The following POLR2E variants were observed in gnomAD, a reference collection of about 807,000 sequenced individuals.
POLR2E encodes RNA polymerase II, I and III subunit E, also known as DNA-directed RNA polymerases I, II, and III subunit RPABC1.
Under a neutral mutation model 29.8 loss-of-function variants are expected in POLR2E, and 35 were observed. The observed-to-expected ratio is 1.17, with a 90% CI of 0.90 to 1.55. POLR2E has a LOEUF of 1.55. Ranked by LOEUF, POLR2E falls within the 40% of genes most tolerant of loss-of-function variation. The pLI is 0.00. For synonymous variants in POLR2E, 174 were observed against 112.6 expected (o/e 1.55, Z -3.45); for missense variants, 287 against 288.6 (o/e 0.99, Z 0.04).
rs1172950058 is a variant in POLR2E at position 1,088,391 on chromosome 19, G to C, written c.*344C>G. 1.3e-5 allele frequency: 2 copies of C among 152,414 alleles called. No homozygotes were observed. The highest frequency in any genetic ancestry group is 4.8e-5 in the African/African-American group (2 of 41,460). The allele number at this position is 152,414 out of a possible 1,614,324, so 9.4% of individuals were successfully genotyped here. On this transcript the variant is annotated 3_prime_UTR_variant, in exon 8 of 8. Transcript: ENST00000615234. ...TGGAAGGCCGAGGGCCCAGGAGGAAGCAGTGGCTGGTGGGAGACCCGGACC... is the reference window on the plus strand; with the variant it reads ...TGGAAGGCCGAGGGCCCAGGAGGAACCAGTGGCTGGTGGGAGACCCGGACC...
chr19:1,090,187 G>A, intron 4 of POLR2E, 42 bp from the exon 5 acceptor site: 1 of 1,579,686 alleles, frequency 6.3e-7, no homozygotes, highest in Non-Finnish European at 8.7e-7. Flanking sequence ...AAGGGCTGGT[G>A]AGACCCCACG....
At chr19:1,089,370 G>T (rs1008682864) in intron 7 of POLR2E, 102 bp downstream of exon 7, 1 of 775,640 alleles carries the variant, frequency 1.3e-6, no homozygotes, top group Non-Finnish European at 2.2e-6. Context: ...TGCTAGGAGG[G>T]TCTTGCTGCC....
intron 1 of POLR2E, 58 bp downstream of exon 1, chr19:1,095,201 C>T: frequency 6.4e-7 from 1 of 1,558,258 alleles, no homozygotes; most frequent in Non-Finnish European, 8.8e-7. Flanking sequence ...CTCGACCCCA[C>T]CTCGGGCCCC....
In POLR2E at chr19:1,089,480, C is replaced by CGGTA. The variant is rs2043782061; in HGVS notation, c.*2_*5dup. On this transcript the variant is annotated 3_prime_UTR_variant, in exon 7 of 8. Transcript: ENST00000615234. ...TCCCTCGGCCGTCTCACCTGTCAGG[C>CGGTA]GGTAGCTACTGCACCAGCCGGTAGG... The CGGTA allele has an allele frequency of 6.2e-7, 1 of 1,611,030 alleles. No individual in the cohort carries two copies. Among genetic ancestry groups the CGGTA allele is most frequent in the South Asian group, 1.1e-5 (1 of 90,988 alleles).
At chr19:1,095,005 C>CTGT in intron 1 of POLR2E, 1 of 469,700 alleles carries the variant, frequency 2.1e-6, no homozygotes, top group Non-Finnish European at 3.7e-6. Flanking sequence ...GCCACGCGCG[C>CTGT]CGCACCAGCC....
At position 1,087,193 on chromosome 19, in the gene POLR2E, G is replaced by A. The variant is rs1223151444; in HGVS notation, c.*1542C>T. ...TTTTGTAGAGGTGGGGGGTTTCTCT[G>A]TGTTGCCCGGGCTGGTCTTTTAACT... On this transcript the variant is annotated 3_prime_UTR_variant, in exon 8 of 8. Transcript: ENST00000615234. 2 of 151,736 alleles carry A rather than the reference G, an allele frequency of 1.3e-5. No homozygotes were observed. Among genetic ancestry groups the A allele is most frequent in the Admixed American group, 6.6e-5 (1 of 15,200 alleles). 9.4% of individuals were successfully genotyped at this position (151,736 alleles called of 1,614,324 possible). A position where few individuals can be genotyped will look rare whatever the true frequency, so the allele number is the denominator to read the frequency against.
In POLR2E at chr19:1,087,338, T is replaced by C. The variant is rs1445241846; in HGVS notation, c.*1397A>G. 1 of 152,088 alleles carries C rather than the reference T, an allele frequency of 6.6e-6. No individual in the cohort carries two copies. The highest frequency in any genetic ancestry group is 2.4e-5 in the African/African-American group (1 of 41,366). 9.4% of individuals were successfully genotyped at this position (152,088 alleles called of 1,614,324 possible). ...CAGGTAATTTTTGTATTTTTTGCAG[T>C]GATGGGATTTTGCCATGTTGGTCAG... On this transcript the variant is annotated 3_prime_UTR_variant, in exon 8 of 8. Transcript: ENST00000615234.
At position 1,086,800 on chromosome 19, in the gene POLR2E, GC is replaced by G; in HGVS notation, c.*1934del. 1 of 152,150 alleles carries G rather than the reference GC, an allele frequency of 6.6e-6. No individual in the cohort carries two copies. Among genetic ancestry groups the G allele is most frequent in the Non-Finnish European group, 1.5e-5 (1 of 67,986 alleles). The allele number at this position is 152,150 out of a possible 1,614,324, so 9.4% of individuals were successfully genotyped here. A position where few individuals can be genotyped will look rare whatever the true frequency, so the allele number is the denominator to read the frequency against. On this transcript the variant is annotated 3_prime_UTR_variant, in exon 8 of 8. Transcript: ENST00000615234. ...CGCCACGGGGCCCCGCGAGGTGGGA[GC>G]CCGGGTGGTCTTCACCACAGGCTGT...
In POLR2E at chr19:1,094,064, A is replaced by T. The variant is rs1195196173; in HGVS notation, c.72T>A (p.Arg24=). The change falls in exon 2 of 8, where the codon CGT becomes CGA. Residue 24 remains arginine (R), a synonymous_variant. Coordinates refer to ENST00000615234, the MANE Select transcript of POLR2E (RefSeq NM_002695.5). ...GCTCGTCCTGGGTCACCAGATAGCC[A>T]CGGTCGTGGCACAGCTGCAGAGAGA... ...RKTIMQLCHD[R]GYLVTQDELD... The T allele has an allele frequency of 6.2e-7, 1 of 1,611,926 alleles. No individual in the cohort carries two copies. Among genetic ancestry groups the T allele is most frequent in the Non-Finnish European group, 8.5e-7 (1 of 1,179,166 alleles).
intron 2 of POLR2E, 178 bp downstream of exon 2, chr19:1,093,726 G>A (rs922491989): frequency 4.3e-6 from 6 of 1,391,516 alleles, no homozygotes; most frequent in Non-Finnish European, 5.6e-6. Context: ...CTGAGCATGA[G>A]AGGGGTCAGA....
At chr19:1,094,117 G>A (rs765551649) in intron 1 of POLR2E, 39 bp from the exon 2 acceptor site, 2 of 1,570,692 alleles carry the variant, frequency 1.3e-6, no homozygotes, top group Non-Finnish European at 1.7e-6. Flanking sequence ...AGGGCAGAGA[G>A]AGGAAGGCGG....
rs2043786173 is a variant in POLR2E at position 1,089,638 on chromosome 19, G to A, written c.568-87C>T. On this transcript the variant is annotated intron_variant, in intron 6 of 7. Coordinates refer to ENST00000615234, the MANE Select transcript of POLR2E (RefSeq NM_002695.5). Reference sequence around the variant, plus strand: ...GCAGGCGGGCAGCACACGGGCTGGGGATGGCCGGCAGGGGTCCGAGATGGC... The same window carrying A: ...GCAGGCGGGCAGCACACGGGCTGGGAATGGCCGGCAGGGGTCCGAGATGGC... 7 of 1,194,244 alleles carry A rather than the reference G, an allele frequency of 5.9e-6. No homozygotes were observed. The Admixed American group carries it at 1.0e-4, about 18-fold the overall frequency. 74.0% of individuals were successfully genotyped at this position (1,194,244 alleles called of 1,614,324 possible).
rs1309120812 is a variant in POLR2E at position 1,087,805 on chromosome 19, C to T, written c.*930G>A. 2 of 152,316 alleles carry T rather than the reference C, an allele frequency of 1.3e-5. No individual in the cohort carries two copies. The highest frequency in any genetic ancestry group is 2.9e-5 in the Non-Finnish European group (2 of 68,044). The allele number at this position is 152,316 out of a possible 1,614,324, so 9.4% of individuals were successfully genotyped here. ...CCACCGACCGCCCGAGGGTGAATTA[C>T]ATCTTAATAAAGCTACTGTGAGAGA... On this transcript the variant is annotated 3_prime_UTR_variant, in exon 8 of 8. Coordinates refer to ENST00000615234, the MANE Select transcript of POLR2E (RefSeq NM_002695.5).
rs771544567 is a variant in POLR2E, at chr19:1,093,884, C to A, written c.232+20G>T. 3.8e-6 allele frequency: 6 copies of A among 1,561,014 alleles called. No individual in the cohort carries two copies. In the Admixed American group the frequency reaches 9.1e-5, roughly 24 times the overall value. On this transcript the variant is annotated intron_variant, in intron 2 of 7. Coordinates refer to ENST00000615234, the MANE Select transcript of POLR2E (RefSeq NM_002695.5). ...TGCTCTGGTGGCTTCACCGGAACTC[C>A]CCCGGGACCCGCTGCTCACCTGGAA...
rs2043759301 is a variant in POLR2E, at chr19:1,088,535, A to G, written c.*200T>C. 2 of 152,126 alleles carry G rather than the reference A, an allele frequency of 1.3e-5. No homozygotes were observed. Among genetic ancestry groups the G allele is most frequent in the Admixed American group, 1.3e-4 (2 of 15,284 alleles). 9.4% of individuals were successfully genotyped at this position (152,126 alleles called of 1,614,324 possible). On this transcript the variant is annotated 3_prime_UTR_variant, in exon 8 of 8. Transcript: ENST00000615234. ...CTGAGGCTGCATCTCGCACAAATCC[A>G]CAGGTGAATGGGGCGGGCTGGGCCA...
chr19:1,089,242 C>A lies in POLR2E; in HGVS notation c.*14+230G>T, dbSNP rs10410231. ...GGGTCAGCGGCGGAGAGACGCACGC[C>A]CCGCGTACCAGGACTCTCCCGTCCA... is the stretch of plus-strand genomic sequence containing the variant. On this transcript the variant is annotated intron_variant, in intron 7 of 7. Transcript: ENST00000615234. Among the ~76,000 whole-genome samples, 14,717 of 152,262 alleles carry A rather than the reference C, an allele frequency of 0.097. 738 individuals are homozygous for A. The highest frequency in any genetic ancestry group is 0.11 in the South Asian group (535 of 4,826).
intron 4 of POLR2E, 40 bp from the exon 5 acceptor site, chr19:1,090,185 G>C: frequency 6.3e-7 from 1 of 1,589,172 alleles, no homozygotes; most frequent in Non-Finnish European, 8.6e-7. Context: ...CCAAGGGCTG[G>C]TGAGACCCCA....
chr19:1,089,392 G>T, intron 7 of POLR2E, 80 bp downstream of exon 7: 1 of 939,040 alleles, frequency 1.1e-6, no homozygotes, highest in Non-Finnish European at 1.7e-6. Flanking sequence ...GACAAAGCAA[G>T]AACAGCCCTG....
chr19:1,089,824 C>T, intron 6 of POLR2E, 60 bp downstream of exon 6: 4 of 1,358,722 alleles, frequency 2.9e-6, no homozygotes, highest in Non-Finnish European at 4.2e-6. Flanking sequence ...GACAGAAGCC[C>T]CCTTCTCCGA....
Sources: allele counts gnomAD v4.1 joint callset (sites outside exome capture counted in the v4.1 genomes callset), GRCh38; gene constraint gnomAD v4.1.1; transcripts MANE v1.5; gene names NCBI Gene and HGNC (gene_info 2026-07-23, HGNC 2026-07-21).